The following SEMA6D variants were observed in gnomAD, a reference collection of about 807,000 sequenced individuals.
SEMA6D encodes the protein semaphorin 6D, also known as semaphorin-6D.
A neutral mutation model predicts 106.6 loss-of-function variants in SEMA6D; 35 were observed. The observed-to-expected ratio is 0.33, with a 90% CI of 0.25 to 0.44. The LOEUF is 0.44. Among genes scored for constraint, SEMA6D ranks in the 20% least tolerant of loss-of-function variants. The pLI is 1.00. For missense variants in SEMA6D, 1,185 were observed against 1,345.9 expected (o/e 0.88, Z 1.87); for synonymous variants, 499 against 487.7 (o/e 1.02, Z -0.31).
intron 2 of SEMA6D, among the ~76,000 whole-genome samples, chr15:47,468,349 G>C (rs1052804642): frequency 6.6e-6 from 1 of 152,206 alleles, no homozygotes; most frequent in African/African-American, 2.4e-5. Flanking sequence ...AATCGAAGAA[G>C]TGGTAAAATG....
chr15:47,770,484 G>A lies in SEMA6D; in HGVS notation c.1934-13G>A. 6.4e-7 allele frequency: 1 copy of A among 1,561,908 alleles called. No individual in the cohort carries two copies. The highest frequency in any genetic ancestry group is 1.4e-5 in the African/African-American group (1 of 73,186). On this transcript the variant is annotated splice_polypyrimidine_tract_variant and intron_variant, in intron 18 of 18. Transcript: ENST00000536845. ...AAGCACCTTATTCACATTGTCCCATGTGTCTATTTCAGGTGTACGATGGGA... is the reference window on the plus strand; with the variant it reads ...AAGCACCTTATTCACATTGTCCCATATGTCTATTTCAGGTGTACGATGGGA...
At chr15:47,533,095 C>T (rs561841032) in intron 3 of SEMA6D, among the ~76,000 whole-genome samples, 177 of 152,236 alleles carry the variant, frequency 1.2e-3, no homozygotes, top group African/African-American at 4.0e-3. Flanking sequence ...ACTGATAATC[C>T]GTAGGCTGGC....
At chr15:47,646,076 T>C (rs1376575568) in intron 4 of SEMA6D, among the ~76,000 whole-genome samples, 2 of 152,064 alleles carry the variant, frequency 1.3e-5, no homozygotes, top group Non-Finnish European at 2.9e-5. Context: ...ATTGATTACA[T>C]CATTGGCCAT....
At chr15:47,253,782 A>C (rs2141971910) in intron 1 of SEMA6D, among the ~76,000 whole-genome samples, 1 of 152,282 alleles carries the variant, frequency 6.6e-6, no homozygotes, top group East Asian at 1.9e-4. Context: ...GAAGTCAAGT[A>C]ATGTGATTCC....
intron 1 of SEMA6D, among the ~76,000 whole-genome samples, chr15:47,234,331 T>C (rs942547949): frequency 1.3e-5 from 2 of 151,876 alleles, no homozygotes; most frequent in Non-Finnish European, 2.9e-5. Context: ...TATATAAAAA[T>C]ATATATTATT....
At chr15:47,213,253 G>A (rs62017397) in intron 1 of SEMA6D, among the ~76,000 whole-genome samples, 1,853 of 152,326 alleles carry the variant, frequency 0.012, 42 homozygotes, top group Admixed American at 0.012. Flanking sequence ...ATCACTGCAT[G>A]AAGTTCTGTT....
At chr15:47,615,383 T>C (rs2076988212) in intron 4 of SEMA6D, among the ~76,000 whole-genome samples, 1 of 152,182 alleles carries the variant, frequency 6.6e-6, no homozygotes, top group African/African-American at 2.4e-5. Flanking sequence ...AGGGGTCCTT[T>C]AACCAATGGC....
At chr15:47,369,696 T>C (rs2039198805) in intron 1 of SEMA6D, among the ~76,000 whole-genome samples, 1 of 152,210 alleles carries the variant, frequency 6.6e-6, no homozygotes, top group Admixed American at 6.5e-5. Context: ...CAGCACCTGC[T>C]AAAGTATACG....
rs200773984 is a variant in SEMA6D, at chr15:47,764,669, G to A, written c.1129G>A (p.Glu377Lys). Residue 377 changes from glutamate to lysine, a missense_variant, in exon 12 of 19, where the codon GAA becomes AAA. Around this residue, in one of 3 missense-constraint regions of SEMA6D, gnomAD observed 291 missense variants for 423.8 expected, o/e 0.69. Coordinates refer to ENST00000536845, the MANE Select transcript of SEMA6D (RefSeq NM_001358351.3). ...CTGTTGTGCAAAACACGGCCTTGCC[G>A]AAGCTTATAAAACCTCCATCGATTT... ...PGCCAKHGLA[E>K]AYKTSIDFPD... The A allele has an allele frequency of 1.1e-5, 18 of 1,613,892 alleles. No homozygotes were observed. Among genetic ancestry groups the A allele is most frequent in the East Asian group, 6.7e-5 (3 of 44,892 alleles).
Position 47,771,598 on chromosome 15 carries a change from T to C in SEMA6D, c.3035T>C (p.Ile1012Thr), listed in dbSNP as rs1409125720. The change falls in exon 19 of 19, where the codon ATT (isoleucine) becomes ACT (threonine). Residue 1012 changes from isoleucine to threonine, a missense_variant. By Grantham distance (89) the Ile-to-Thr change is moderately conservative. This residue lies in a region of SEMA6D where 750 missense variants were observed against 783.5 expected (regional missense o/e 0.96). Transcript: ENST00000536845. ...CCCACTGGGGCGAAGGTGGACTATATTCAGGGAACACCAGTGAGTGTTCAT... is the reference window on the plus strand; with the variant it reads ...CCCACTGGGGCGAAGGTGGACTATACTCAGGGAACACCAGTGAGTGTTCAT... Reference protein sequence around the residue: ...PTPTGAKVDYIQGTPVSVHLQ... With the variant: ...PTPTGAKVDYTQGTPVSVHLQ... The C allele has an allele frequency of 6.2e-7, 1 of 1,614,032 alleles. No individual in the cohort carries two copies. The highest frequency in any genetic ancestry group is 2.2e-5 in the East Asian group (1 of 44,882).
Position 47,770,979 on chromosome 15 carries a change from C to G in SEMA6D, c.2416C>G (p.Pro806Ala), listed in dbSNP as rs754250886. 14 of 1,613,982 alleles carry G rather than the reference C, an allele frequency of 8.7e-6. No homozygotes were observed. The highest frequency in any genetic ancestry group is 3.3e-4 in the Middle Eastern group (2 of 6,084). The change falls in exon 19 of 19, where the codon CCT becomes GCT. Residue 806 changes from proline to alanine, a missense_variant. Pro to Ala is a conservative substitution (Grantham distance 27, BLOSUM62 -1). Around this residue, in one of 3 missense-constraint regions of SEMA6D, gnomAD observed 750 missense variants for 783.5 expected, o/e 0.96. Coordinates refer to ENST00000536845, the MANE Select transcript of SEMA6D (RefSeq NM_001358351.3). Reference sequence around the variant, plus strand: ...CCATGGAGCTTCAAGGAAAGAAACCCCTCAGTTTTTTCCGTCTAGTCCGCC... The same window carrying G: ...CCATGGAGCTTCAAGGAAAGAAACCGCTCAGTTTTTTCCGTCTAGTCCGCC... Reference protein sequence around the residue: ...HGHGASRKETPQFFPSSPPPH... With the variant: ...HGHGASRKETAQFFPSSPPPH...
chr15:47,395,831 T>G (rs912528639), intron 1 of SEMA6D: 7 of 152,250 alleles, frequency 4.6e-5, no homozygotes, highest in African/African-American at 1.7e-4. Context: ...ACATCTCATT[T>G]GTACAATATT....
At chr15:47,340,939 T>G (rs1476019634) in intron 1 of SEMA6D, among the ~76,000 whole-genome samples, 1 of 152,200 alleles carries the variant, frequency 6.6e-6, no homozygotes, top group African/African-American at 2.4e-5. Context: ...ATTCCAAAAC[T>G]ATCTAGAATA....
At chr15:47,304,203 C>T (rs2036135641) in intron 1 of SEMA6D, among the ~76,000 whole-genome samples, 1 of 151,974 alleles carries the variant, frequency 6.6e-6, no homozygotes, top group African/African-American at 2.4e-5. Flanking sequence ...TGGCTCACAC[C>T]TGTAATCCCA....
rs147524660 is a variant in SEMA6D, at chr15:47,354,898, C to T, written c.-238-57495C>T. Reference sequence around the variant, plus strand: ...CCTTAAATGTGTGTCTTCAGCCCTACGGGACAAAATCACTCAAAAATTTGT... The same window carrying T: ...CCTTAAATGTGTGTCTTCAGCCCTATGGGACAAAATCACTCAAAAATTTGT... On this transcript the variant is annotated intron_variant, in intron 1 of 19. Transcript: ENST00000558014. Among the ~76,000 whole-genome samples, 54 of 152,208 alleles carry T rather than the reference C, an allele frequency of 3.5e-4. No homozygotes were observed. In the East Asian group the frequency reaches 7.3e-3, roughly 21 times the overall value.
chr15:47,221,782 G>A (rs1464457254), intron 1 of SEMA6D, among the ~76,000 whole-genome samples: 1 of 152,144 alleles, frequency 6.6e-6, no homozygotes, highest in Non-Finnish European at 1.5e-5. Flanking sequence ...TGTTAGTAAT[G>A]AGGCCCAATG....
intron 3 of SEMA6D, among the ~76,000 whole-genome samples, chr15:47,478,306 G>T (rs1012648544): frequency 9.2e-5 from 14 of 152,166 alleles, no homozygotes; most frequent in Admixed American, 2.6e-4. Flanking sequence ...GATGGGCAAA[G>T]AATGTAAGGT....
intron 1 of SEMA6D, among the ~76,000 whole-genome samples, chr15:47,377,331 A>G (rs1361991759): frequency 2.0e-5 from 3 of 152,212 alleles, no homozygotes; most frequent in Non-Finnish European, 4.4e-5. Flanking sequence ...ACAAGTGGCC[A>G]CATGGGGAAA....
At chr15:47,529,940 T>C (rs2044899837) in intron 3 of SEMA6D, among the ~76,000 whole-genome samples, 1 of 152,238 alleles carries the variant, frequency 6.6e-6, no homozygotes, top group African/African-American at 2.4e-5. Context: ...TCATGTTCAT[T>C]CTTTGGGTAA....
Sources: allele counts gnomAD v4.1 joint callset (sites outside exome capture counted in the v4.1 genomes callset), GRCh38; gene constraint gnomAD v4.1.1; regional missense constraint gnomAD v4.1.1; transcripts MANE v1.5; gene names NCBI Gene and HGNC (gene_info 2026-07-23, HGNC 2026-07-21).